Variants in FRMPD3 observed in about 807,000 individuals in gnomAD.
FRMPD3 encodes FERM and PDZ domain containing 3, also known as FERM and PDZ domain-containing protein 3.
In FRMPD3, 42 loss-of-function variants were observed where a neutral mutation model predicts 97.9. That is an observed-to-expected ratio of 0.43 (90% CI 0.34 to 0.55). FRMPD3 has a LOEUF of 0.55. FRMPD3 is among the 20% of genes least tolerant of loss of function. The pLI is 0.03. For missense variants in FRMPD3, 1,303 were observed against 1,457.7 expected (o/e 0.89, Z 1.73); for synonymous variants, 577 against 581.1 (o/e 0.99, Z 0.10).
chrX:107,498,060 C>T (rs1602761376), intron 1 of FRMPD3, among the ~76,000 whole-genome samples: 2 of 112,542 alleles, frequency 1.8e-5, no homozygotes, highest in East Asian at 5.6e-4. Context: ...GCTATCAGAA[C>T]ACTTCTCGGC....
chrX:107,520,536 C>T (rs765115268), intron 1 of FRMPD3, among the ~76,000 whole-genome samples: 10 of 110,413 alleles, frequency 9.1e-5, no homozygotes, highest in Admixed American at 5.7e-4. Flanking sequence ...GGCATGCACC[C>T]GTAGTCCCAG....
chrX:107,566,904 C>T (rs1398924919), intron 12 of FRMPD3, among the ~76,000 whole-genome samples: 2 of 111,491 alleles, frequency 1.8e-5, no homozygotes, highest in Non-Finnish European at 3.8e-5. Flanking sequence ...GTGATCCAGC[C>T]ACAGTTGTGG....
At chrX:107,519,814 G>T (rs1922452678) in intron 1 of FRMPD3, among the ~76,000 whole-genome samples, 1 of 111,760 alleles carries the variant, frequency 8.9e-6, no homozygotes, top group Non-Finnish European at 1.9e-5. Context: ...CTTGAATTTT[G>T]CAAAAGAAAA....
intron 1 of FRMPD3, chrX:107,525,664 A>G (rs781101187): frequency 1.8e-6 from 1 of 559,163 alleles, no homozygotes; most frequent in South Asian, 2.2e-5. Flanking sequence ...TGTCTCATTA[A>G]CTGAAAGAAG....
intron 1 of FRMPD3, among the ~76,000 whole-genome samples, chrX:107,460,498 C>T (rs1383565911): frequency 9.1e-6 from 1 of 109,770 alleles, no homozygotes; most frequent in Non-Finnish European, 1.9e-5. Flanking sequence ...TCAAGTAATC[C>T]TCCCACCTCA....
At position 107,597,527 on chromosome X, in the gene FRMPD3, C is replaced by T; in HGVS notation, c.1648C>T (p.Leu550=). The part of the protein sequence containing the change: ...QESRTDVNEN[L]IFFEETRPRT... ...AAGCCGGACAGATGTCAACGAGAAC[C>T]TAATCTTCTTTGAGGAGACCAGGCC... The change falls in exon 14 of 15, where the codon CTA becomes TTA. Residue 550 remains leucine, a synonymous_variant. Coordinates refer to ENST00000683843, the MANE Select transcript of FRMPD3 (RefSeq NM_001388459.1). The T allele has an allele frequency of 1.7e-6, 2 of 1,210,719 alleles. No individual in the cohort carries two copies. The highest frequency in any genetic ancestry group is 2.2e-6 in the Non-Finnish European group (2 of 895,340).
In FRMPD3 at chrX:107,560,361, A is replaced by G; in HGVS notation, c.867A>G (p.Arg289=). ...LHIYITVSAT[R]PSQKISLKNV... ...TCTATATCACTGTCTCAGCCACTCG[A>G]CCTAGTCAGAAGATCTCGCTCAAGA... The change falls in exon 9 of 15, where the codon CGA becomes CGG. Residue 289 remains arginine, a synonymous_variant. Transcript: ENST00000683843. 1 of 1,209,311 alleles carries G rather than the reference A, an allele frequency of 8.3e-7. No individual in the cohort carries two copies. Among genetic ancestry groups the G allele is most frequent in the East Asian group, 3.0e-5 (1 of 33,791 alleles).
chrX:107,465,365 G>A (rs773828032), intron 1 of FRMPD3, among the ~76,000 whole-genome samples: 2 of 111,089 alleles, frequency 1.8e-5, no homozygotes, highest in Non-Finnish European at 3.8e-5. Flanking sequence ...CGGCTACTCA[G>A]GAGGCTGAGG....
chrX:107,519,739 T>C (rs957088022), intron 1 of FRMPD3, among the ~76,000 whole-genome samples: 2 of 110,658 alleles, frequency 1.8e-5, no homozygotes, highest in Admixed American at 1.9e-4. Flanking sequence ...GAAGGAGGAG[T>C]AATGGCCTGG....
At position 107,602,574 on chromosome X, in the gene FRMPD3, G is replaced by T. The variant is rs1924585119; in HGVS notation, c.4535G>T (p.Gly1512Val). 8.3e-7 allele frequency: 1 copy of T among 1,211,469 alleles called. No homozygotes were observed. The highest frequency in any genetic ancestry group is 1.1e-6 in the Non-Finnish European group (1 of 895,473). Residue 1512 changes from glycine (G) to valine (V), a missense_variant, in exon 15 of 15, where the codon GGC (glycine) becomes GTC (valine). This residue lies in a region of FRMPD3 where 764 missense variants were observed against 820.2 expected (regional missense o/e 0.93). Coordinates refer to ENST00000683843, the MANE Select transcript of FRMPD3 (RefSeq NM_001388459.1). ...GACATGGCAGATGATGCCAGTGATG[G>T]CAAGGATGAGCTCTCCTACTCTATC... ...KCDMADDASDGKDELSYSIPM... is the reference protein window; with the variant it reads ...KCDMADDASDVKDELSYSIPM...
At chrX:107,501,361 T>A (rs774805546) in intron 1 of FRMPD3, among the ~76,000 whole-genome samples, 31 of 81,369 alleles carry the variant, frequency 3.8e-4, no homozygotes, top group African/African-American at 1.6e-3. Flanking sequence ...CTATTTTTTT[T>A]TTTTTTTTTT....
chrX:107,450,541 ACAGT>A lies in FRMPD3; in HGVS notation c.-8+540_-8+543del, dbSNP rs752158657. ...CACAACATACCCGGCGCTCAGCCAC[ACAGT>A]CAGCCCCATGCAAAGACCACACACA... On this transcript the variant is annotated intron_variant, in intron 1 of 14. Coordinates refer to ENST00000683843, the MANE Select transcript of FRMPD3 (RefSeq NM_001388459.1). 5.4e-4 allele frequency among the ~76,000 whole-genome samples: 58 copies of A among 106,466 alleles called. No homozygotes were observed. The East Asian group carries it at 0.014, about 25-fold the overall frequency. The allele number at this position is 106,466 out of a possible 115,157, so 92.5% of individuals were successfully genotyped here.
intron 1 of FRMPD3, among the ~76,000 whole-genome samples, chrX:107,524,023 C>T (rs904910448): frequency 8.9e-6 from 1 of 112,575 alleles, no homozygotes; most frequent in Admixed American, 9.3e-5. Context: ...CTTCTCCCCA[C>T]GCCACAGTCT....
intron 1 of FRMPD3, among the ~76,000 whole-genome samples, chrX:107,501,357 T>TA (rs1347993805): frequency 1.2e-5 from 1 of 80,710 alleles, no homozygotes; most frequent in Non-Finnish European, 2.3e-5. Context: ...TCTCCTATTT[T>TA]TTTTTTTTTT....
At chrX:107,552,964 C>T (rs1455457104) in intron 7 of FRMPD3, 38 bp downstream of exon 7, 1 of 1,175,464 alleles carries the variant, frequency 8.5e-7, no homozygotes, top group Admixed American at 2.3e-5. Flanking sequence ...TTGCATGTGG[C>T]CTCTAGTAGA....
chrX:107,471,460 C>T (rs1341331590), intron 1 of FRMPD3, among the ~76,000 whole-genome samples: 1 of 110,987 alleles, frequency 9.0e-6, no homozygotes, highest in Non-Finnish European at 1.9e-5. Flanking sequence ...ACCCGCCATC[C>T]CCCCAACAGG....
chrX:107,529,451 G>A (rs922470199), intron 2 of FRMPD3, among the ~76,000 whole-genome samples: 1 of 110,863 alleles, frequency 9.0e-6, no homozygotes, highest in Non-Finnish European at 1.9e-5. Context: ...TGGGCATGGT[G>A]GAGTGTACCT....
intron 13 of FRMPD3, among the ~76,000 whole-genome samples, chrX:107,595,681 T>C (rs1280303129): frequency 9.0e-6 from 1 of 111,115 alleles, no homozygotes; most frequent in Non-Finnish European, 1.9e-5. Context: ...GTCACGCCTG[T>C]AATCCCTGCA....
chrX:107,545,955 G>A (rs1307645547), intron 5 of FRMPD3, 114 bp downstream of exon 5: 2 of 541,683 alleles, frequency 3.7e-6, no homozygotes, highest in Non-Finnish European at 3.1e-6. Flanking sequence ...GTTAGAGTGG[G>A]AGCGTCCAGG....
Sources: allele counts gnomAD v4.1 joint callset (sites outside exome capture counted in the v4.1 genomes callset), GRCh38; gene constraint gnomAD v4.1.1; regional missense constraint gnomAD v4.1.1; transcripts MANE v1.5; gene names NCBI Gene and HGNC (gene_info 2026-07-23, HGNC 2026-07-21).